Variants in MED6 observed in about 807,000 individuals in gnomAD.
MED6 encodes mediator complex subunit 6.
A neutral mutation model predicts 37.5 loss-of-function variants in MED6; 33 were observed. The observed-to-expected ratio is 0.88, with a 90% CI of 0.67 to 1.18. The LOEUF (loss-of-function observed/expected upper bound fraction) is 1.18. Ranked by LOEUF, MED6 falls within the 50% of genes most tolerant of loss-of-function variation. MED6 has a pLI of 0.00. For synonymous variants in MED6, 94 were observed against 93.6 expected (o/e 1.00, Z -0.02); for missense variants, 235 against 290.6 (o/e 0.81, Z 1.39).
At position 70,594,104 on chromosome 14, in the gene MED6, C is replaced by A. The variant is rs17765916; in HGVS notation, c.275-726G>T. Reference sequence around the variant, plus strand: ...TCTTTATCAAGTCATTCTCTGAAAACAATGCCAAGTTAAAGATTGTCCATA... The same window carrying A: ...TCTTTATCAAGTCATTCTCTGAAAAAAATGCCAAGTTAAAGATTGTCCATA... On this transcript the variant is annotated intron_variant, in intron 3 of 7. Transcript: ENST00000256379. 5.3e-3 allele frequency among the ~76,000 whole-genome samples: 811 copies of A among 152,254 alleles called. 6 individuals are homozygous for A. Among genetic ancestry groups the A allele is most frequent in the South Asian group, 0.03 (147 of 4,826 alleles).
chr14:70,597,737 G>A lies in MED6; in HGVS notation c.63C>T (p.Ile21=). The stretch of plus-strand genomic sequence containing the variant: ...GGACACTACCACTGTTCAAAATAGG[G>A]ATCCAAGAGCTGTCAACCCAAGAAA... ...LGISWVDSSW[I]PILNSGSVLD... The change falls in exon 2 of 8, where the codon ATC becomes ATT. Residue 21 remains isoleucine (I), a synonymous_variant. Transcript: ENST00000256379. 2 of 1,554,026 alleles carry A rather than the reference G, an allele frequency of 1.3e-6. No individual in the cohort carries two copies. Among genetic ancestry groups the A allele is most frequent in the Non-Finnish European group, 1.7e-6 (2 of 1,161,574 alleles).
At chr14:70,594,482 G>GAA in intron 3 of MED6, 1 of 306,232 alleles carries the variant, frequency 3.3e-6, no homozygotes, top group South Asian at 3.6e-5. Context: ...GGACTGATGT[G>GAA]AAAAAAAAAG....
intron 3 of MED6, chr14:70,595,101 T>C (rs1235806342): frequency 9.3e-6 from 5 of 535,454 alleles, no homozygotes; most frequent in Admixed American, 7.8e-5. Context: ...GCAACATCCA[T>C]GGGCTCTGCA....
At chr14:70,599,581 A>G (rs1335553326) in intron 1 of MED6, among the ~76,000 whole-genome samples, 1 of 152,116 alleles carries the variant, frequency 6.6e-6, no homozygotes, top group Non-Finnish European at 1.5e-5. Flanking sequence ...TTCTGACTTC[A>G]TCTCCTTCCC....
intron 1 of MED6, among the ~76,000 whole-genome samples, chr14:70,598,755 T>C (rs1451068184): frequency 6.6e-6 from 1 of 152,148 alleles, no homozygotes; most frequent in African/African-American, 2.4e-5. Flanking sequence ...TTGGAAATCC[T>C]TAATGCTGGC....
chr14:70,597,494 C>A (rs1885078961), intron 2 of MED6, 124 bp downstream of exon 2: 1 of 811,064 alleles, frequency 1.2e-6, no homozygotes, highest in Non-Finnish European at 1.7e-6. Context: ...TTGCATAAAC[C>A]CAAACAAAAC....
rs1274050216 is a variant in MED6, at chr14:70,583,497, C to T, written c.*1316G>A. On this transcript the variant is annotated 3_prime_UTR_variant, in exon 8 of 8. Transcript: ENST00000256379. ...TCCAACATTTTGAGGAACAACTTAG[C>T]AATATGGACTAAGAGCAATAAAAAT... 6.6e-6 allele frequency: 1 copy of T among 152,108 alleles called. No homozygotes were observed. The highest frequency in any genetic ancestry group is 1.5e-5 in the Non-Finnish European group (1 of 68,012). The allele number at this position is 152,108 out of a possible 1,614,324, so 9.4% of individuals were successfully genotyped here.
At position 70,584,750 on chromosome 14, in the gene MED6, C is replaced by A. The variant is rs1884652332; in HGVS notation, c.*63G>T. On this transcript the variant is annotated 3_prime_UTR_variant, in exon 8 of 8. Coordinates refer to ENST00000256379, the MANE Select transcript of MED6 (RefSeq NM_005466.4). ...AATAAAGTACTTCAAAGCTCAAGAG[C>A]CACAGTACTGAGGTATGATAACTAG... 2 of 1,549,706 alleles carry A rather than the reference C, an allele frequency of 1.3e-6. No individual in the cohort carries two copies. Among genetic ancestry groups the A allele is most frequent in the Non-Finnish European group, 8.7e-7 (1 of 1,149,786 alleles).
chr14:70,584,501 G>A lies in MED6; in HGVS notation c.*312C>T, dbSNP rs531673113. The A allele has an allele frequency of 1.9e-5, 6 of 309,240 alleles. No homozygotes were observed. The highest frequency in any genetic ancestry group is 7.1e-5 in the East Asian group (1 of 14,012). 19.2% of individuals were successfully genotyped at this position (309,240 alleles called of 1,614,324 possible). On this transcript the variant is annotated 3_prime_UTR_variant, in exon 8 of 8. Transcript: ENST00000256379. ...AGCAAGTCTCCTGTCTCAGCCTCCCGAGTAGCTGGGACTATGGGCGCCCGC... is the reference window on the plus strand; with the variant it reads ...AGCAAGTCTCCTGTCTCAGCCTCCCAAGTAGCTGGGACTATGGGCGCCCGC...
intron 3 of MED6, chr14:70,595,257 C>G: frequency 1.8e-6 from 1 of 546,536 alleles, no homozygotes; most frequent in East Asian, 4.6e-5. Context: ...AAGGTAGATA[C>G]CCCCAAATCT....
In MED6 at chr14:70,584,960, GA is replaced by G; in HGVS notation, c.611-18del. ...TTTGATCCACTAGATATCAAAAGTA[GA>G]TTTTTTGGGAGGGAGATATGGGTGG... is the stretch of plus-strand genomic sequence containing the variant. On this transcript the variant is annotated intron_variant, in intron 7 of 7. Transcript: ENST00000256379. 1 of 1,609,780 alleles carries G rather than the reference GA, an allele frequency of 6.2e-7. No homozygotes were observed. Among genetic ancestry groups the G allele is most frequent in the Non-Finnish European group, 8.5e-7 (1 of 1,178,586 alleles).
chr14:70,585,025 T>C, intron 7 of MED6, 82 bp from the exon 8 acceptor site: 1 of 1,450,308 alleles, frequency 6.9e-7, no homozygotes, highest in South Asian at 1.3e-5. Context: ...TGGCTCACAT[T>C]TTCAAATTCA....
intron 3 of MED6, chr14:70,595,720 C>A (rs1231594527): frequency 1.5e-5 from 11 of 737,756 alleles, no homozygotes; most frequent in Non-Finnish European, 2.7e-5. Context: ...CTTGGTGACG[C>A]CCTGGACAGC....
chr14:70,588,120 G>C (rs775715289), intron 6 of MED6, among the ~76,000 whole-genome samples: 5 of 152,288 alleles, frequency 3.3e-5, no homozygotes, highest in African/African-American at 4.8e-5. Flanking sequence ...GAGACTTGCA[G>C]TAGATTATTT....
Position 70,599,730 on chromosome 14 carries a change from TTC to T in MED6, c.22+884_22+885del, listed in dbSNP as rs762187223. On this transcript the variant is annotated intron_variant, in intron 1 of 7. Transcript: ENST00000256379. ...GTAAAACATTTTATAAACTAAATAT[TTC>T]TCTTTTTTATTCTGTAGCAAGGCAA... 2.5e-3 allele frequency among the ~76,000 whole-genome samples: 379 copies of T among 152,298 alleles called. 1 individual carries two copies. The highest frequency in any genetic ancestry group is 7.4e-3 in the African/African-American group (308 of 41,566).
intron 6 of MED6, among the ~76,000 whole-genome samples, chr14:70,589,128 T>C (rs905632933): frequency 6.6e-6 from 1 of 152,186 alleles, no homozygotes; most frequent in Non-Finnish European, 1.5e-5. Context: ...CCAAAATCTG[T>C]TTCTTTCCCT....
intron 3 of MED6, chr14:70,594,978 C>A: frequency 1.7e-6 from 1 of 594,316 alleles, no homozygotes; most frequent in South Asian, 1.4e-5. Flanking sequence ...GGGCTCAGAT[C>A]TTCTCAAGTA....
In MED6 at chr14:70,591,344, T is replaced by C; in HGVS notation, c.504A>G (p.Pro168=). The change falls in exon 6 of 8, where the codon CCA becomes CCG. Residue 168 remains proline (P), a synonymous_variant. Transcript: ENST00000256379. ...VRPKAKRKEE[P]SSIFQRQRVD... Reference sequence around the variant, plus strand: ...CACGTTGTCTCTGAAAAATAGAGCTTGGTTCTTCTTTCCTTTTGGCTTTAG... The same window carrying C: ...CACGTTGTCTCTGAAAAATAGAGCTCGGTTCTTCTTTCCTTTTGGCTTTAG... The C allele has an allele frequency of 1.2e-6, 2 of 1,606,212 alleles. No individual in the cohort carries two copies. Among genetic ancestry groups the C allele is most frequent in the Non-Finnish European group, 1.7e-6 (2 of 1,178,124 alleles).
At chr14:70,593,837 T>C (rs898122212) in intron 3 of MED6, among the ~76,000 whole-genome samples, 1 of 152,020 alleles carries the variant, frequency 6.6e-6, no homozygotes, top group Non-Finnish European at 1.5e-5. Context: ...GACTGGGGGG[T>C]CCAGTGTAAA....
Sources: allele counts gnomAD v4.1 joint callset (sites outside exome capture counted in the v4.1 genomes callset), GRCh38; gene constraint gnomAD v4.1.1; transcripts MANE v1.5; gene names NCBI Gene and HGNC (gene_info 2026-07-23, HGNC 2026-07-21).